SAMD12: variants seen among roughly 807,000 people sequenced by gnomAD.
The protein encoded by SAMD12 is sterile alpha motif domain containing 12, also known as sterile alpha motif domain-containing protein 12.
A neutral mutation model predicts 15.0 loss-of-function variants in SAMD12; 9 were observed. That is an observed-to-expected ratio of 0.60 (90% CI 0.36 to 1.05). The LOEUF (loss-of-function observed/expected upper bound fraction) is 1.05. Among genes scored for constraint, SAMD12 ranks in the 50% least tolerant of loss-of-function variants. The pLI is 0.01. For synonymous variants in SAMD12, 86 were observed against 90.1 expected (o/e 0.96, Z 0.25); for missense variants, 230 against 234.2 (o/e 0.98, Z 0.12).
intron 2 of SAMD12, among the ~76,000 whole-genome samples, chr8:118,494,126 A>T (rs1824531385): frequency 6.6e-6 from 1 of 152,138 alleles, no homozygotes; most frequent in African/African-American, 2.4e-5. Flanking sequence ...AGCAGGAGAG[A>T]TCTGAAGATG....
intron 1 of SAMD12, among the ~76,000 whole-genome samples, chr8:118,592,990 G>T (rs1382904196): frequency 1.3e-5 from 2 of 152,130 alleles, no homozygotes; most frequent in East Asian, 3.9e-4. Context: ...CTCAGGGAGG[G>T]TGGGGCAAGA....
At chr8:118,548,423 A>ACACACACCCCC (rs1491292990) in intron 2 of SAMD12, among the ~76,000 whole-genome samples, 1 of 125,260 alleles carries the variant, frequency 8.0e-6, no homozygotes, top group African/African-American at 3.0e-5. Context: ...ACACACACAC[A>ACACACACCCCC]CCCCATGTGA....
intron 4 of SAMD12, among the ~76,000 whole-genome samples, chr8:118,277,371 T>G (rs1813499918): frequency 6.6e-6 from 1 of 152,214 alleles, no homozygotes; most frequent in Non-Finnish European, 1.5e-5. Flanking sequence ...TCATCTATCT[T>G]TTATCATCAT....
chr8:118,436,894 A>T (rs903027194), intron 3 of SAMD12, among the ~76,000 whole-genome samples: 1 of 152,206 alleles, frequency 6.6e-6, no homozygotes, highest in African/African-American at 2.4e-5. Flanking sequence ...ACTATGAGGT[A>T]GATACTATTA....
At chr8:118,352,813 A>C (rs1288674950) in intron 4 of SAMD12, among the ~76,000 whole-genome samples, 1 of 152,294 alleles carries the variant, frequency 6.6e-6, no homozygotes, top group East Asian at 1.9e-4. Flanking sequence ...GTCACTGTAG[A>C]AAGGGGTACA....
At chr8:118,153,565 G>T in the SAMD12 span, among the ~76,000 whole-genome samples, 1 of 152,176 alleles carries the variant, frequency 6.6e-6, no homozygotes, top group Non-Finnish European at 1.5e-5. Flanking sequence ...CAAGTGGCTT[G>T]GTATTAAGGT....
At chr8:118,285,562 T>C (rs1024749472) in intron 4 of SAMD12, among the ~76,000 whole-genome samples, 1 of 152,234 alleles carries the variant, frequency 6.6e-6, no homozygotes, top group Non-Finnish European at 1.5e-5. Flanking sequence ...ACGCCCACTA[T>C]TGTGCAACAG....
chr8:118,418,778 A>T (rs1432802452), intron 3 of SAMD12, among the ~76,000 whole-genome samples: 1 of 152,118 alleles, frequency 6.6e-6, no homozygotes, highest in Non-Finnish European at 1.5e-5. Flanking sequence ...AAGGACAAGG[A>T]TAGTTTTTCC....
intron 4 of SAMD12, among the ~76,000 whole-genome samples, chr8:118,241,167 A>G (rs1222795048): frequency 6.6e-6 from 1 of 152,136 alleles, no homozygotes; most frequent in African/African-American, 2.4e-5. Flanking sequence ...TTCCGGGAGG[A>G]CATTTCCTGA....
the SAMD12 span, among the ~76,000 whole-genome samples, chr8:118,171,268 G>A: frequency 6.6e-6 from 1 of 152,106 alleles, no homozygotes; most frequent in African/African-American, 2.4e-5. Flanking sequence ...ACTCTGAGAG[G>A]TCCTTAAAAT....
intron 2 of SAMD12, among the ~76,000 whole-genome samples, chr8:118,463,087 C>G (rs905527430): frequency 9.3e-6 from 1 of 107,794 alleles, no homozygotes; most frequent in Non-Finnish European, 1.7e-5. Context: ...GGCGACAGAG[C>G]GAAACTCCGT....
intron 4 of SAMD12, among the ~76,000 whole-genome samples, chr8:118,216,446 G>A (rs1278805218): frequency 8.6e-5 from 13 of 151,838 alleles, no homozygotes; most frequent in Non-Finnish European, 1.9e-4. Flanking sequence ...CTTTTGCTGT[G>A]CAGAAGCTCT....
At chr8:118,385,566 T>A (rs1239748264) in intron 3 of SAMD12, among the ~76,000 whole-genome samples, 1 of 152,192 alleles carries the variant, frequency 6.6e-6, no homozygotes, top group African/African-American at 2.4e-5. Context: ...TACATGTATA[T>A]GTATATGTGT....
At chr8:118,515,186 T>TTA (rs948552167) in intron 2 of SAMD12, among the ~76,000 whole-genome samples, 1 of 21,474 alleles carries the variant, frequency 4.7e-5, no homozygotes, top group Non-Finnish European at 8.4e-5. Context: ...GCCCAGCTAA[T>TTA]TTTTTTTTTT....
chr8:118,299,535 A>C (rs1458480546), intron 4 of SAMD12, among the ~76,000 whole-genome samples: 2 of 152,180 alleles, frequency 1.3e-5, no homozygotes, highest in Admixed American at 6.5e-5. Context: ...TTATTGGCAG[A>C]ACAAGGTAAG....
chr8:118,373,584 T>C (rs1450122518), downstream of SAMD12, among the ~76,000 whole-genome samples: 1 of 152,166 alleles, frequency 6.6e-6, no homozygotes, highest in Non-Finnish European at 1.5e-5. Flanking sequence ...CAAGTAAAAT[T>C]TGACACATAT....
chr8:118,284,730 CAG>C, intron 4 of SAMD12: 1 of 171,420 alleles, frequency 5.8e-6, no homozygotes, highest in South Asian at 1.3e-4. Context: ...ATCACGAGGT[CAG>C]GAGATCGAGA....
rs955684883 is a variant in SAMD12 at position 118,434,876 on chromosome 8, G to C, written c.322+4956C>G. Among the ~76,000 whole-genome samples the C allele has an allele frequency of 1.2e-4, 3 of 25,706 alleles. 1 individual carries two copies. The highest frequency in any genetic ancestry group is 2.6e-4 in the Non-Finnish European group (2 of 7,772). 16.9% of individuals were successfully genotyped at this position (25,706 alleles called of 152,430 possible). A position where few individuals can be genotyped will look rare whatever the true frequency, so the allele number is the denominator to read the frequency against. ...AGCACTTTGGGAGGCCGAGGCGGGC[G>C]GATCACGAGGTCAGGAGATCGAGAC... On this transcript the variant is annotated intron_variant, in intron 3 of 3. Transcript: ENST00000314727.
chr8:118,477,806 G>A (rs1486128776), intron 2 of SAMD12, among the ~76,000 whole-genome samples: 9 of 151,978 alleles, frequency 5.9e-5, no homozygotes, highest in African/African-American at 2.2e-4. Context: ...GAGGTCAGGA[G>A]ATCGAGACCA....
Sources: allele counts gnomAD v4.1 joint callset (sites outside exome capture counted in the v4.1 genomes callset), GRCh38; gene constraint gnomAD v4.1.1; transcripts MANE v1.5; gene names NCBI Gene and HGNC (gene_info 2026-07-23, HGNC 2026-07-21).